Variants in LCLAT1 observed in about 807,000 individuals in gnomAD.
LCLAT1 encodes the protein lysocardiolipin acyltransferase 1.
LCLAT1 carries 11 observed loss-of-function variants against 30.7 expected under a neutral mutation model. That is an observed-to-expected ratio of 0.36 (90% CI 0.23 to 0.59). The LOEUF is 0.59. Among genes scored for constraint, LCLAT1 ranks in the 20% least tolerant of loss-of-function variants. The pLI, the probability that LCLAT1 is intolerant of heterozygous loss-of-function variation, is 0.77. For synonymous variants in LCLAT1, 155 were observed against 151.3 expected, an observed-to-expected ratio of 1.02 and a Z score of -0.18; for missense variants, 402 against 458.6, an observed-to-expected ratio of 0.88 and a Z score of 1.13.
intron 1 of LCLAT1, among the ~76,000 whole-genome samples, chr2:30,476,903 A>G (rs1006557164): frequency 3.9e-5 from 6 of 152,336 alleles, no homozygotes; most frequent in African/African-American, 1.4e-4. Flanking sequence ...TTACACTGTC[A>G]TACTTAAGTG....
At chr2:30,573,335 T>C (rs1665864755) in intron 5 of LCLAT1, among the ~76,000 whole-genome samples, 1 of 152,224 alleles carries the variant, frequency 6.6e-6, no homozygotes, top group Non-Finnish European at 1.5e-5. Flanking sequence ...TTTCTAGCTC[T>C]GGTCTTGACT....
chr2:30,586,950 C>A (rs1174352447), intron 5 of LCLAT1, among the ~76,000 whole-genome samples: 2 of 152,208 alleles, frequency 1.3e-5, no homozygotes, highest in East Asian at 3.8e-4. Context: ...ATATAAACTT[C>A]TTGGAAGAGC....
chr2:30,486,497 G>A (rs80051101), intron 1 of LCLAT1, among the ~76,000 whole-genome samples: 1 of 152,120 alleles, frequency 6.6e-6, no homozygotes, highest in Non-Finnish European at 1.5e-5. Flanking sequence ...AGCCAGACTT[G>A]TCCTCTCACT....
At chr2:30,595,375 T>C (rs1666885100) in intron 5 of LCLAT1, among the ~76,000 whole-genome samples, 1 of 152,078 alleles carries the variant, frequency 6.6e-6, no homozygotes, top group African/African-American at 2.4e-5. Context: ...AGATCACTAA[T>C]GTCTTGAGTG....
At chr2:30,523,774 A>G (rs1263739485) in intron 1 of LCLAT1, among the ~76,000 whole-genome samples, 1 of 152,228 alleles carries the variant, frequency 6.6e-6, no homozygotes, top group Non-Finnish European at 1.5e-5. Flanking sequence ...AGGCTGAGGC[A>G]GGAGAATCGC....
intron 1 of LCLAT1, among the ~76,000 whole-genome samples, chr2:30,497,722 G>A (rs1684186353): frequency 6.6e-6 from 1 of 152,028 alleles, no homozygotes; most frequent in South Asian, 2.1e-4. Context: ...TGCTTTGTTG[G>A]TCTTCTTGTT....
chr2:30,534,055 T>C (rs887184374), intron 3 of LCLAT1, among the ~76,000 whole-genome samples: 5 of 152,182 alleles, frequency 3.3e-5, no homozygotes, highest in Non-Finnish European at 7.4e-5. Flanking sequence ...CATTTATACT[T>C]CTGTGGTTTA....
chr2:30,632,415 A>C (rs1668808362), intron 5 of LCLAT1, among the ~76,000 whole-genome samples: 1 of 152,218 alleles, frequency 6.6e-6, no homozygotes, highest in African/African-American at 2.4e-5. Flanking sequence ...TATATGCCAG[A>C]CATAATAGGG....
At chr2:30,631,546 T>C (rs1668772485) in intron 5 of LCLAT1, among the ~76,000 whole-genome samples, 1 of 152,244 alleles carries the variant, frequency 6.6e-6, no homozygotes, top group African/African-American at 2.4e-5. Context: ...ATTTATATGA[T>C]GCCCTTGAAG....
intron 3 of LCLAT1, among the ~76,000 whole-genome samples, chr2:30,554,218 G>A (rs1366593919): frequency 6.6e-6 from 1 of 152,196 alleles, no homozygotes; most frequent in East Asian, 1.9e-4. Context: ...ATTCTCACTT[G>A]CAATGCAGAA....
intron 3 of LCLAT1, among the ~76,000 whole-genome samples, chr2:30,549,506 T>G (rs139720568): frequency 8.7e-4 from 133 of 152,354 alleles, no homozygotes; most frequent in African/African-American, 3.0e-3. Flanking sequence ...GAGGGAGCTT[T>G]AGGGTTTTGA....
intron 2 of LCLAT1, among the ~76,000 whole-genome samples, chr2:30,528,771 G>A (rs1572576412): frequency 6.6e-6 from 1 of 152,246 alleles, no homozygotes; most frequent in East Asian, 1.9e-4. Flanking sequence ...TAAAAAATTA[G>A]TATACATTTG....
chr2:30,616,584 A>C (rs1282998244), intron 5 of LCLAT1, among the ~76,000 whole-genome samples: 1 of 152,138 alleles, frequency 6.6e-6, no homozygotes, highest in East Asian at 1.9e-4. Flanking sequence ...AAATATGTTG[A>C]TGTAACCTTT....
At chr2:30,618,849 C>T (rs998708167) in intron 5 of LCLAT1, among the ~76,000 whole-genome samples, 1 of 152,184 alleles carries the variant, frequency 6.6e-6, no homozygotes, top group Non-Finnish European at 1.5e-5. Flanking sequence ...GGATTCTCTA[C>T]ATCATAGTTT....
intron 1 of LCLAT1, among the ~76,000 whole-genome samples, chr2:30,492,913 A>G (rs1209826671): frequency 3.3e-5 from 5 of 152,202 alleles, no homozygotes. Flanking sequence ...CTGTAAATTT[A>G]TACCCTTATT....
At chr2:30,603,219 G>A (rs1232366931) in intron 5 of LCLAT1, among the ~76,000 whole-genome samples, 1 of 152,016 alleles carries the variant, frequency 6.6e-6, no homozygotes, top group African/African-American at 2.4e-5. Flanking sequence ...TCAGAGAATT[G>A]TTTTCTCTTT....
intron 1 of LCLAT1, among the ~76,000 whole-genome samples, chr2:30,473,008 A>G (rs1296959333): frequency 1.3e-5 from 2 of 152,192 alleles, no homozygotes; most frequent in Non-Finnish European, 2.9e-5. Context: ...GTTGAAAAAA[A>G]AATGATTTGT....
At chr2:30,633,263 C>T (rs769598137) in intron 5 of LCLAT1, among the ~76,000 whole-genome samples, 3 of 152,186 alleles carry the variant, frequency 2.0e-5, no homozygotes, top group Non-Finnish European at 2.9e-5. Flanking sequence ...AACTCAAATG[C>T]ATCTTAGATG....
At chr2:30,465,635 T>C (rs1438967267) in intron 1 of LCLAT1, among the ~76,000 whole-genome samples, 2 of 152,226 alleles carry the variant, frequency 1.3e-5, no homozygotes, top group African/African-American at 4.8e-5. Context: ...CCGTTATTTA[T>C]TGGTTCTCAG....
Sources: allele counts gnomAD v4.1 joint callset (sites outside exome capture counted in the v4.1 genomes callset), GRCh38; gene constraint gnomAD v4.1.1; transcripts MANE v1.5; gene names NCBI Gene and HGNC (gene_info 2026-07-23, HGNC 2026-07-21).